ADGRL3: variants seen among roughly 807,000 people sequenced by gnomAD.
ADGRL3 encodes adhesion G protein-coupled receptor L3.
ADGRL3 carries 62 observed loss-of-function variants against 153.5 expected under a neutral mutation model. The observed-to-expected ratio is 0.40, with a 90% CI of 0.33 to 0.50. The LOEUF is 0.50. Among genes scored for constraint, ADGRL3 ranks in the 20% least tolerant of loss-of-function variants. ADGRL3 has a pLI of 0.47. For synonymous variants in ADGRL3, 710 were observed against 672.5 expected (o/e 1.06, Z -0.86); for missense variants, 1,641 against 1,859.4 (o/e 0.88, Z 2.16).
chr4:62,044,410 T>C (rs1164464576), intron 24 of ADGRL3, 43 bp from the exon 25 acceptor site: 1 of 1,229,274 alleles, frequency 8.1e-7, no homozygotes, highest in Non-Finnish European at 1.2e-6. Context: ...GAAAATTCAC[T>C]GCATCATGAG....
At chr4:61,966,253 G>A (rs2099006191) in intron 17 of ADGRL3, among the ~76,000 whole-genome samples, 1 of 152,086 alleles carries the variant, frequency 6.6e-6, no homozygotes, top group Admixed American at 6.6e-5. Flanking sequence ...TTCTTAGAAT[G>A]AATCTACCAA....
At chr4:61,247,729 C>A (rs1757635152) in intron 1 of ADGRL3, among the ~76,000 whole-genome samples, 1 of 151,832 alleles carries the variant, frequency 6.6e-6, no homozygotes, top group South Asian at 2.1e-4. Context: ...TTTTCCTACC[C>A]CTGTATAATT....
rs995464446 is a variant in ADGRL3, at chr4:61,550,757, G to A, written c.259+33239G>A. Among the ~76,000 whole-genome samples the A allele has an allele frequency of 6.6e-5, 10 of 152,106 alleles. 1 individual carries two copies. In the East Asian group the frequency reaches 7.7e-4, roughly 12 times the overall value. ...GCAAAGGAAAGAATATACATATGAT[G>A]CTAACAGTATTCTTATTTGTGAAGT... is the stretch of plus-strand genomic sequence containing the variant. On this transcript the variant is annotated intron_variant, in intron 4 of 26. Coordinates refer to ENST00000683033, the MANE Select transcript of ADGRL3 (RefSeq NM_001387552.1).
At position 61,654,696 on chromosome 4, in the gene ADGRL3, A is replaced by G. The variant is rs184824469; in HGVS notation, c.474-22130A>G. 1.6e-3 allele frequency among the ~76,000 whole-genome samples: 248 copies of G among 152,210 alleles called. 1 individual carries two copies. Among genetic ancestry groups the G allele is most frequent in the African/African-American group, 5.5e-3 (228 of 41,530 alleles). ...GGCAGATCACGAGGTCAGGAGTTCA[A>G]AACCAGCCCAGCCAAGATGGTGAAA... On this transcript the variant is annotated intron_variant, in intron 5 of 26. Transcript: ENST00000683033.
At chr4:61,912,225 T>A (rs2098724896) in intron 12 of ADGRL3, among the ~76,000 whole-genome samples, 1 of 152,166 alleles carries the variant, frequency 6.6e-6, no homozygotes, top group Admixed American at 6.5e-5. Context: ...TTTTTCCTGA[T>A]AAATAGAAGT....
At chr4:61,855,080 CAAAAA>C (rs530975241) in intron 9 of ADGRL3, among the ~76,000 whole-genome samples, 2 of 150,796 alleles carry the variant, frequency 1.3e-5, no homozygotes, top group South Asian at 4.2e-4. Context: ...TTCTGGGACA[CAAAAA>C]AAAGACATGA....
chr4:61,839,593 T>C (rs997601794), intron 9 of ADGRL3, among the ~76,000 whole-genome samples: 2 of 148,578 alleles, frequency 1.3e-5, no homozygotes, highest in Non-Finnish European at 3.0e-5. Context: ...ATTTGGCAGG[T>C]TTTTTTTTTC....
chr4:61,382,713 C>T (rs1303973055), intron 1 of ADGRL3, among the ~76,000 whole-genome samples: 3 of 151,668 alleles, frequency 2.0e-5, no homozygotes, highest in African/African-American at 7.3e-5. Context: ...AGGTGCTTCT[C>T]AATTTGTTTT....
At chr4:61,857,071 T>C (rs926759832) in intron 9 of ADGRL3, among the ~76,000 whole-genome samples, 1 of 150,722 alleles carries the variant, frequency 6.6e-6, no homozygotes, top group African/African-American at 2.5e-5. Flanking sequence ...TCTCTCTCTT[T>C]CTTTCTTTCT....
intron 6 of ADGRL3, among the ~76,000 whole-genome samples, chr4:61,707,461 A>T (rs1195608703): frequency 6.6e-6 from 1 of 152,236 alleles, no homozygotes; most frequent in South Asian, 2.1e-4. Flanking sequence ...GGTAAAATAC[A>T]GAGTGATAAT....
At position 61,395,857 on chromosome 4, in the gene ADGRL3, G is replaced by C. The variant is rs1006763250; in HGVS notation, c.-174+12668G>C. On this transcript the variant is annotated intron_variant, in intron 2 of 26. Coordinates refer to ENST00000683033, the MANE Select transcript of ADGRL3 (RefSeq NM_001387552.1). Reference sequence around the variant, plus strand: ...AAACAATTTGGAAAATTTTGATATGGAGGGGAATAGCTGAACTGTTAATGT... The same window carrying C: ...AAACAATTTGGAAAATTTTGATATGCAGGGGAATAGCTGAACTGTTAATGT... Among the ~76,000 whole-genome samples, 3 of 152,042 alleles carry C rather than the reference G, an allele frequency of 2.0e-5. No individual in the cohort carries two copies. The South Asian group carries it at 6.2e-4, about 31-fold the overall frequency.
At chr4:61,224,410 A>G (rs993822224) in intron 1 of ADGRL3, among the ~76,000 whole-genome samples, 1 of 152,178 alleles carries the variant, frequency 6.6e-6, no homozygotes, top group Non-Finnish European at 1.5e-5. Flanking sequence ...TTGTTCTTTC[A>G]TTTTTAATAG....
At chr4:61,998,141 T>C (rs2099128236) in intron 20 of ADGRL3, 33 bp from the exon 21 acceptor site, 1 of 1,227,062 alleles carries the variant, frequency 8.1e-7, no homozygotes. Context: ...CCTACTCCAA[T>C]TATGCTACAT....
intron 2 of ADGRL3, among the ~76,000 whole-genome samples, chr4:61,421,948 A>C (rs2097212414): frequency 6.6e-6 from 1 of 152,124 alleles, no homozygotes; most frequent in Non-Finnish European, 1.5e-5. Context: ...TTTATCCTTC[A>C]TCATTCATCT....
At chr4:61,654,453 T>G (rs2094379901) in intron 5 of ADGRL3, among the ~76,000 whole-genome samples, 1 of 152,084 alleles carries the variant, frequency 6.6e-6, no homozygotes, top group Admixed American at 6.5e-5. Flanking sequence ...GTTAATATGC[T>G]GTAGGGATGT....
chr4:61,204,483 G>A (rs1304517938), intron 1 of ADGRL3, among the ~76,000 whole-genome samples: 1 of 152,162 alleles, frequency 6.6e-6, no homozygotes, highest in Non-Finnish European at 1.5e-5. Flanking sequence ...GATCAGATCT[G>A]TTCTTTGTTT....
At chr4:62,066,117 A>G (rs1215016463) in intron 25 of ADGRL3, among the ~76,000 whole-genome samples, 1 of 152,152 alleles carries the variant, frequency 6.6e-6, no homozygotes, top group Admixed American at 6.6e-5. Context: ...AAACTATGGT[A>G]GTGCTTAAAA....
chr4:62,035,045 T>C (rs1428403196), intron 23 of ADGRL3, among the ~76,000 whole-genome samples: 1 of 152,006 alleles, frequency 6.6e-6, no homozygotes, highest in Non-Finnish European at 1.5e-5. Flanking sequence ...ATGCAAATGA[T>C]TGAACAATCA....
intron 4 of ADGRL3, among the ~76,000 whole-genome samples, chr4:61,543,231 C>A (rs2098699051): frequency 6.9e-6 from 1 of 144,822 alleles, no homozygotes; most frequent in Non-Finnish European, 1.5e-5. Context: ...AAGGACTTTG[C>A]AGATGTGATT....
Sources: gnomAD v4.1 joint callset for allele counts (sites outside exome capture counted in the v4.1 genomes callset) on GRCh38, gnomAD v4.1.1 for gene constraint, MANE v1.5 for transcripts, NCBI Gene and HGNC (gene_info 2026-07-23, HGNC 2026-07-21) for gene names.